ZNF813: variants seen among roughly 807,000 people sequenced by gnomAD.
ZNF813 encodes the protein zinc finger protein 813.
In ZNF813, 3 loss-of-function variants were observed where a neutral mutation model predicts 7.2. The observed-to-expected ratio is 0.42, with a 90% CI of 0.19 to 1.08. The LOEUF is 1.08. ZNF813 is among the 50% of genes least tolerant of loss of function. The pLI, the probability that ZNF813 is intolerant of heterozygous loss-of-function variation, is 0.30. For synonymous variants in ZNF813, 227 were observed against 256.3 expected (o/e 0.89, Z 1.09); for missense variants, 714 against 753.3 (o/e 0.95, Z 0.61).
At chr19:53,478,204 G>A (rs566684027) in intron 1 of ZNF813, among the ~76,000 whole-genome samples, 9 of 152,086 alleles carry the variant, frequency 5.9e-5, no homozygotes, top group Non-Finnish European at 1.3e-4. Context: ...ACAGGGCCTG[G>A]CTCTATCACC....
At chr19:53,473,548 T>C (rs2086369194) in intron 1 of ZNF813, among the ~76,000 whole-genome samples, 1 of 152,200 alleles carries the variant, frequency 6.6e-6, no homozygotes, top group South Asian at 2.1e-4. Flanking sequence ...TACGGCATGA[T>C]TCCTGCAAAT....
intron 1 of ZNF813, among the ~76,000 whole-genome samples, chr19:53,482,202 A>T (rs1443907655): frequency 2.0e-5 from 3 of 150,962 alleles, no homozygotes; most frequent in Non-Finnish European, 2.9e-5. Context: ...AAAAAAGAAT[A>T]AAAAAATGCA....
At chr19:53,472,283 A>G (rs1482010444) in intron 1 of ZNF813, among the ~76,000 whole-genome samples, 3 of 152,176 alleles carry the variant, frequency 2.0e-5, no homozygotes, top group Non-Finnish European at 4.4e-5. Flanking sequence ...GTGCCACGAT[A>G]TGCAATACTG....
At position 53,495,947 on chromosome 19, in the gene ZNF813, A is replaced by G. The variant is rs909113725; in HGVS notation, c.*3861A>G. On this transcript the variant is annotated 3_prime_UTR_variant, in exon 4 of 4. Transcript: ENST00000396403. ...CAAGAAACAAAAGCAAAATCATTCCATTCCCCCAGTGGATTCAGATCAAAA... is the reference window on the plus strand; with the variant it reads ...CAAGAAACAAAAGCAAAATCATTCCGTTCCCCCAGTGGATTCAGATCAAAA... 1 of 350,390 alleles carries G rather than the reference A, an allele frequency of 2.9e-6. No individual in the cohort carries two copies. Among genetic ancestry groups the G allele is most frequent in the Non-Finnish European group, 5.6e-6 (1 of 179,500 alleles). The allele number at this position is 350,390 out of a possible 1,614,324, so 21.7% of individuals were successfully genotyped here. A position where few individuals can be genotyped will look rare whatever the true frequency, so the allele number is the denominator to read the frequency against.
Position 53,492,185 on chromosome 19 carries a change from A to G in ZNF813, c.*99A>G. On this transcript the variant is annotated 3_prime_UTR_variant, in exon 4 of 4. Transcript: ENST00000396403. Reference sequence around the variant, plus strand: ...TGTCACAATTCAGTCCTTGTAATTCATAAGAATTCATACTGGAGAGAAACA... The same window carrying G: ...TGTCACAATTCAGTCCTTGTAATTCGTAAGAATTCATACTGGAGAGAAACA... 6.7e-7 allele frequency: 1 copy of G among 1,499,934 alleles called. No homozygotes were observed. Among genetic ancestry groups the G allele is most frequent in the Non-Finnish European group, 9.0e-7 (1 of 1,112,364 alleles). The allele number at this position is 1,499,934 out of a possible 1,614,324, so 92.9% of individuals were successfully genotyped here. A position where few individuals can be genotyped will look rare whatever the true frequency, so the allele number is the denominator to read the frequency against.
chr19:53,491,848 C>T lies in ZNF813; in HGVS notation c.1616C>T (p.Ala539Val). Residue 539 changes from alanine to valine, a missense_variant, in exon 4 of 4, where the codon GCA becomes GTA. By Grantham distance (64) the Ala-to-Val change is moderately conservative (BLOSUM62 0). This residue lies in a region of ZNF813 where 122 missense variants were observed against 146.8 expected (regional missense o/e 0.83). Coordinates refer to ENST00000396403, the MANE Select transcript of ZNF813 (RefSeq NM_001004301.4). Reference protein sequence around the residue: ...GKVFNRKTHLAHHHRLHTGDK... With the variant: ...GKVFNRKTHLVHHHRLHTGDK... ...GTTTTTAATCGAAAAACACACCTTG[C>T]ACATCATCATAGACTTCATACTGGA... 1.2e-6 allele frequency: 2 copies of T among 1,613,448 alleles called. No individual in the cohort carries two copies. The highest frequency in any genetic ancestry group is 1.7e-6 in the Non-Finnish European group (2 of 1,179,780).
intron 1 of ZNF813, among the ~76,000 whole-genome samples, chr19:53,477,170 G>A (rs912180972): frequency 4.6e-5 from 7 of 152,266 alleles, no homozygotes; most frequent in Admixed American, 1.3e-4. Flanking sequence ...GATAGTTACC[G>A]TGGCCTGGTT....
rs117322260 is a variant in ZNF813, at chr19:53,491,357, A to G, written c.1125A>G (p.Arg375=). ...AGTCATCCCTTACATGCCATCATAG[A>G]CTTCATACGGGAGAGAAACCTTATA... ...SRKSSLTCHH[R]LHTGEKPYKC... is the part of the protein sequence containing the mutation. Residue 375 remains arginine (R), a synonymous_variant, in exon 4 of 4, where the codon AGA becomes AGG. Coordinates refer to ENST00000396403, the MANE Select transcript of ZNF813 (RefSeq NM_001004301.4). 4.2e-3 allele frequency: 6,826 copies of G among 1,613,580 alleles called. 70 individuals are homozygous for G. Among genetic ancestry groups the G allele is most frequent in the South Asian group, 0.026 (2,411 of 91,078 alleles).
intron 1 of ZNF813, among the ~76,000 whole-genome samples, chr19:53,475,311 T>C (rs1278424480): frequency 5.9e-5 from 9 of 152,200 alleles, no homozygotes; most frequent in African/African-American, 2.2e-4. Flanking sequence ...CTGAGTCTGA[T>C]GTTACCACTG....
intron 1 of ZNF813, among the ~76,000 whole-genome samples, chr19:53,478,268 T>C (rs1206168983): frequency 1.3e-5 from 2 of 152,082 alleles, no homozygotes; most frequent in Admixed American, 6.6e-5. Flanking sequence ...CTCCTGGGCT[T>C]AAGCGATCCT....
At chr19:53,485,167 G>T (rs1881580053) in intron 2 of ZNF813, among the ~76,000 whole-genome samples, 1 of 152,108 alleles carries the variant, frequency 6.6e-6, no homozygotes. Context: ...GAGCACACCT[G>T]CATTACTACA....
At chr19:53,486,022 C>T (rs1395070460) in intron 2 of ZNF813, among the ~76,000 whole-genome samples, 2 of 152,122 alleles carry the variant, frequency 1.3e-5, no homozygotes, top group African/African-American at 2.4e-5. Flanking sequence ...CATCAGCCTC[C>T]CGGGTAGCTG....
At chr19:53,473,150 C>T (rs1196916580) in intron 1 of ZNF813, among the ~76,000 whole-genome samples, 2 of 152,106 alleles carry the variant, frequency 1.3e-5, no homozygotes, top group Admixed American at 6.6e-5. Flanking sequence ...TTGAGCACAA[C>T]GACAGAACAA....
At chr19:53,485,278 G>C (rs959856374) in intron 2 of ZNF813, among the ~76,000 whole-genome samples, 15 of 152,002 alleles carry the variant, frequency 9.9e-5, no homozygotes, top group African/African-American at 3.6e-4. Context: ...ATTCCACCCT[G>C]CCCCCAACTG....
At chr19:53,468,676 A>C (rs1396239730) in intron 1 of ZNF813, among the ~76,000 whole-genome samples, 1 of 152,160 alleles carries the variant, frequency 6.6e-6, no homozygotes, top group Non-Finnish European at 1.5e-5. Context: ...GTTTCTCTTC[A>C]CCCAAACATC....
intron 3 of ZNF813, among the ~76,000 whole-genome samples, chr19:53,489,981 A>G (rs2617669): frequency 0.2 from 29,949 of 152,206 alleles, 3,700 homozygotes; most frequent in African/African-American, 0.36. Flanking sequence ...AATATGGTAT[A>G]TCATGTGGTC....
At chr19:53,478,473 A>G (rs2086392155) in intron 1 of ZNF813, among the ~76,000 whole-genome samples, 1 of 152,074 alleles carries the variant, frequency 6.6e-6, no homozygotes, top group South Asian at 2.1e-4. Flanking sequence ...CACCTAGCCT[A>G]CATAGTACTT....
rs35747993 is a variant in ZNF813 at position 53,488,584 on chromosome 19, A to ATTT, written c.143-1779_143-1777dup. On this transcript the variant is annotated intron_variant, in intron 3 of 3. Transcript: ENST00000396403. ...TCACCACACCCGGCTAATTTTTTGT[A>ATTT]TTTTTTTTTTTTTTGTAGAGGTGGA... 4.1e-3 allele frequency among the ~76,000 whole-genome samples: 549 copies of ATTT among 134,768 alleles called. 4 individuals are homozygous for ATTT. Among genetic ancestry groups the ATTT allele is most frequent in the Middle Eastern group, 0.019 (5 of 264 alleles). The allele number at this position is 134,768 out of a possible 152,430, so 88.4% of individuals were successfully genotyped here.
At chr19:53,486,222 C>CT (rs1399425863) in intron 2 of ZNF813, among the ~76,000 whole-genome samples, 1 of 152,106 alleles carries the variant, frequency 6.6e-6, no homozygotes, top group Non-Finnish European at 1.5e-5. Flanking sequence ...CTTTGAGAGG[C>CT]TGAGGCAGGC....
Sources: allele counts gnomAD v4.1 joint callset (sites outside exome capture counted in the v4.1 genomes callset), GRCh38; gene constraint gnomAD v4.1.1; regional missense constraint gnomAD v4.1.1; transcripts MANE v1.5; gene names NCBI Gene and HGNC (gene_info 2026-07-23, HGNC 2026-07-21).